The following CLVS1 variants were observed in gnomAD, a reference collection of about 807,000 sequenced individuals.
CLVS1 encodes clavesin-1.
CLVS1 carries 10 observed loss-of-function variants against 33.1 expected under a neutral mutation model. That is an observed-to-expected ratio of 0.30 (90% confidence interval 0.19 to 0.51). CLVS1 has a LOEUF of 0.51. Among genes scored for constraint, CLVS1 ranks in the 20% least tolerant of loss-of-function variants. The pLI, the probability that CLVS1 is intolerant of heterozygous loss-of-function variation, is 0.97. For missense variants in CLVS1, 343 were observed against 433.4 expected, an observed-to-expected ratio of 0.79 and a Z score of 1.85; for synonymous variants, 163 against 166.1, an observed-to-expected ratio of 0.98 and a Z score of 0.14.
Position 61,415,710 on chromosome 8 carries a change from T to C in CLVS1, c.631-38431T>C, listed in dbSNP as rs141996067. 8.6e-3 allele frequency among the ~76,000 whole-genome samples: 1,303 copies of C among 152,198 alleles called. 20 individuals carry two copies. The highest frequency in any genetic ancestry group is 0.029 in the African/African-American group (1,218 of 41,512). On this transcript the variant is annotated intron_variant, in intron 3 of 5. Transcript: ENST00000325897. Reference sequence around the variant, plus strand: ...GCTCCATGCTGTTTGCTTTCACACATGCACAATGTTTCCAATGACTGGCCA... The same window carrying C: ...GCTCCATGCTGTTTGCTTTCACACACGCACAATGTTTCCAATGACTGGCCA...
chr8:61,481,511 T>C (rs757818819), intron 5 of CLVS1, among the ~76,000 whole-genome samples: 1 of 152,162 alleles, frequency 6.6e-6, no homozygotes, highest in Admixed American at 6.5e-5. Context: ...ATACTACGCT[T>C]TTCCAACGGC....
chr8:61,158,396 T>G (rs1487952156), intron 2 of CLVS1, among the ~76,000 whole-genome samples: 2 of 152,274 alleles, frequency 1.3e-5, no homozygotes, highest in African/African-American at 4.8e-5. Context: ...TTAAGACTGA[T>G]TGGACAGTAC....
intron 3 of CLVS1, among the ~76,000 whole-genome samples, chr8:61,418,045 A>G (rs1336277940): frequency 6.6e-6 from 1 of 152,224 alleles, no homozygotes; most frequent in Non-Finnish European, 1.5e-5. Context: ...CAGGGGCAGA[A>G]ATCTTGCTCT....
intron 3 of CLVS1, among the ~76,000 whole-genome samples, chr8:61,404,832 C>T (rs1157544684): frequency 6.6e-6 from 1 of 152,162 alleles, no homozygotes; most frequent in East Asian, 1.9e-4. Context: ...CAGCAAAATG[C>T]TGGGCTCAGC....
At chr8:61,071,513 T>A (rs1804795889) in intron 1 of CLVS1, among the ~76,000 whole-genome samples, 1 of 152,220 alleles carries the variant, frequency 6.6e-6, no homozygotes, top group East Asian at 1.9e-4. Flanking sequence ...TAATAACATT[T>A]AGGGTCTACC....
intron 2 of CLVS1, among the ~76,000 whole-genome samples, chr8:61,182,272 C>T (rs1807253639): frequency 6.6e-6 from 1 of 152,020 alleles, no homozygotes; most frequent in Non-Finnish European, 1.5e-5. Flanking sequence ...TGGGCATGGG[C>T]AAAGATTTCA....
chr8:61,004,876 C>T, the CLVS1 span, among the ~76,000 whole-genome samples: 1 of 152,160 alleles, frequency 6.6e-6, no homozygotes, highest in South Asian at 2.1e-4. Context: ...ATTTTGTAAC[C>T]CCCTCCCCAA....
chr8:61,372,000 A>C (rs894723504), intron 2 of CLVS1, among the ~76,000 whole-genome samples: 1 of 152,198 alleles, frequency 6.6e-6, no homozygotes, highest in African/African-American at 2.4e-5. Flanking sequence ...CCTCTCACAT[A>C]CATTATCACA....
intron 2 of CLVS1, among the ~76,000 whole-genome samples, chr8:61,157,131 G>T (rs1302581574): frequency 6.6e-6 from 1 of 152,150 alleles, no homozygotes; most frequent in Non-Finnish European, 1.5e-5. Context: ...AGGTATAAAG[G>T]CACTCTAGCT....
the CLVS1 span, among the ~76,000 whole-genome samples, chr8:60,991,364 A>G: frequency 2.0e-5 from 3 of 152,214 alleles, no homozygotes; most frequent in Non-Finnish European, 4.4e-5. Context: ...TTTAGGAGAG[A>G]GGAGAACCAA....
rs112163640 is a variant in CLVS1, at chr8:61,401,596, T to C, written c.630+24817T>C. 8.9e-3 allele frequency among the ~76,000 whole-genome samples: 1,353 copies of C among 152,222 alleles called. 12 individuals carry two copies. Among genetic ancestry groups the C allele is most frequent in the African/African-American group, 0.031 (1,270 of 41,528 alleles). ...TGGAAAAATGTTCCATGCTCATGGATAGGAAGAATAAATATTGTGAAGATG... is the reference window on the plus strand; with the variant it reads ...TGGAAAAATGTTCCATGCTCATGGACAGGAAGAATAAATATTGTGAAGATG... On this transcript the variant is annotated intron_variant, in intron 3 of 5. Coordinates refer to ENST00000325897, the MANE Select transcript of CLVS1 (RefSeq NM_173519.3).
intron 1 of CLVS1, among the ~76,000 whole-genome samples, chr8:61,061,889 G>A (rs1213499099): frequency 1.3e-5 from 2 of 151,984 alleles, no homozygotes; most frequent in Non-Finnish European, 1.5e-5. Context: ...CATATCCGTA[G>A]CACCTGGGCA....
Position 61,375,247 on chromosome 8 carries a change from A to AT in CLVS1, c.456-1339dup, listed in dbSNP as rs34479292. 9.4e-3 allele frequency among the ~76,000 whole-genome samples: 1,256 copies of AT among 133,404 alleles called. 15 individuals carry two copies. The highest frequency in any genetic ancestry group is 0.027 in the African/African-American group (1,005 of 36,978). 87.5% of individuals were successfully genotyped at this position (133,404 alleles called of 152,430 possible). ...ATTTAGTATATTCTTAGTGGCTTGC[A>AT]TTTTTTTTTTTTTTTTTTTATGAGA... On this transcript the variant is annotated intron_variant, in intron 2 of 5. Coordinates refer to ENST00000325897, the MANE Select transcript of CLVS1 (RefSeq NM_173519.3).
chr8:61,107,520 C>CT (rs1223551206), intron 1 of CLVS1, among the ~76,000 whole-genome samples: 5 of 152,202 alleles, frequency 3.3e-5, no homozygotes, highest in African/African-American at 1.2e-4. Context: ...CACTAATGCC[C>CT]TTCATGAGGG....
At chr8:61,003,404 A>G in the CLVS1 span, among the ~76,000 whole-genome samples, 1 of 152,200 alleles carries the variant, frequency 6.6e-6, no homozygotes, top group African/African-American at 2.4e-5. Context: ...GGAGCCACCA[A>G]CATGTTGGAA....
At chr8:61,228,035 T>G (rs1225532950) in intron 2 of CLVS1, among the ~76,000 whole-genome samples, 11 of 151,794 alleles carry the variant, frequency 7.2e-5, no homozygotes, top group Admixed American at 7.2e-4. Flanking sequence ...GAAAGTGGAG[T>G]CTGTGGGATT....
intron 2 of CLVS1, among the ~76,000 whole-genome samples, chr8:61,321,491 C>T (rs1218951686): frequency 2.6e-5 from 4 of 151,772 alleles, no homozygotes; most frequent in Admixed American, 1.3e-4. Context: ...ACTGCATATG[C>T]GTGGGAATGG....
intron 2 of CLVS1, among the ~76,000 whole-genome samples, chr8:61,149,571 A>AAAAAAAAAAAAAAC (rs1252529979): frequency 6.7e-6 from 1 of 149,864 alleles, no homozygotes; most frequent in African/African-American, 2.5e-5. Context: ...AAAAAAAACA[A>AAAAAAAAAAAAAAC]AAAACAAAAC....
the CLVS1 span, among the ~76,000 whole-genome samples, chr8:61,037,478 G>T: frequency 6.6e-6 from 1 of 152,076 alleles, no homozygotes; most frequent in Non-Finnish European, 1.5e-5. Context: ...CCATTTTAAG[G>T]CCGCATAATA....
Sources: allele counts gnomAD v4.1 joint callset (sites outside exome capture counted in the v4.1 genomes callset), GRCh38; gene constraint gnomAD v4.1.1; transcripts MANE v1.5; gene names NCBI Gene and HGNC (gene_info 2026-07-23, HGNC 2026-07-21).